The following A2M variants were observed in gnomAD, a reference collection of about 807,000 sequenced individuals.
A2M encodes alpha-2-macroglobulin, also known as C3 and PZP-like alpha-2-macroglobulin domain-containing protein 5.
A neutral mutation model predicts 183.9 loss-of-function variants in A2M; 128 were observed. That is an observed-to-expected ratio of 0.70 (90% CI 0.60 to 0.81). The LOEUF (loss-of-function observed/expected upper bound fraction) is 0.81, where lower values mean the gene tolerates loss of function less well. Among genes scored for constraint, A2M ranks in the 30% least tolerant of loss-of-function variants. A2M has a pLI of 0.00. For missense variants in A2M, 1,495 were observed against 1,787.6 expected (o/e 0.84, Z 2.95); for synonymous variants, 592 against 670.8 (o/e 0.88, Z 1.81).
At chr12:9,107,865 T>C (rs756428387) in intron 7 of A2M, among the ~76,000 whole-genome samples, 105 of 152,304 alleles carry the variant, frequency 6.9e-4, no homozygotes, top group African/African-American at 2.3e-3. Context: ...TCATTTCTTT[T>C]TTTTCCTCGT....
intron 27 of A2M, 103 bp downstream of exon 27, chr12:9,077,243 A>C: frequency 1.8e-6 from 2 of 1,136,392 alleles, no homozygotes; most frequent in Non-Finnish European, 2.5e-6. Context: ...CATAGAAAGA[A>C]AGCTGATGCT....
At chr12:9,085,192 A>G (rs779683912) in intron 22 of A2M, among the ~76,000 whole-genome samples, 1 of 152,212 alleles carries the variant, frequency 6.6e-6, no homozygotes, top group African/African-American at 2.4e-5. Flanking sequence ...TAATGGATAC[A>G]TACAGAACAT....
intron 22 of A2M, chr12:9,080,470 T>C (rs926785227): frequency 1.9e-5 from 4 of 212,408 alleles, no homozygotes; most frequent in African/African-American, 9.2e-5. Flanking sequence ...TGCTGTCATC[T>C]GATGGCTGAC....
In A2M at chr12:9,068,215, G is replaced by T. The variant is rs1280952806; in HGVS notation, c.4376C>A (p.Ala1459Glu). The T allele has an allele frequency of 6.2e-6, 10 of 1,608,194 alleles. No individual in the cohort carries two copies. Among genetic ancestry groups the T allele is most frequent in the Non-Finnish European group, 8.5e-6 (10 of 1,178,998 alleles). The change falls in exon 35 of 36, where the codon GCA becomes GAA. Residue 1459 changes from alanine to glutamate, a missense_variant. By Grantham distance (107) the Ala-to-Glu change is moderately radical. Transcript: ENST00000318602. ...GCAAGGAGCATTGTACTCAGCAATT[G>T]CAAACTCATCTGAAAAAAAAAAAAC... ...VYDYYETDEF[A>E]IAEYNAPCSK...
At chr12:9,094,934 ATATAT>A in intron 17 of A2M, 34 bp downstream of exon 17, 1 of 1,145,746 alleles carries the variant, frequency 8.7e-7, no homozygotes, top group Non-Finnish European at 1.2e-6. Flanking sequence ...AATTTGGTGA[ATATAT>A]TAGGCAATAT....
Position 9,113,508 on chromosome 12 carries a change from G to A in A2M, c.122C>T (p.Thr41Ile), listed in dbSNP as rs1592400236. 1.2e-6 allele frequency: 2 copies of A among 1,613,984 alleles called. No individual in the cohort carries two copies. Among genetic ancestry groups the A allele is most frequent in the Admixed American group, 1.7e-5 (1 of 60,012 alleles). Residue 41 changes from threonine to isoleucine, a missense_variant, in exon 2 of 36, where the codon ACT becomes ATT. Transcript: ENST00000318602. ...GACACAGCCCTTCTCAGTGGTCTCAGTGTGGAGCAGGGAGGGGACCAGAAC... is the reference window on the plus strand; with the variant it reads ...GACACAGCCCTTCTCAGTGGTCTCAATGTGGAGCAGGGAGGGGACCAGAAC... ...YMVLVPSLLH[T>I]ETTEKGCVLL...
chr12:9,109,358 T>C lies in A2M; in HGVS notation c.721A>G (p.Ile241Val). ...GATACATTCATCTCTTCTTCCAAGA[T>C]GGTGATTATCTTTGGCACTGTTACT... The part of the protein sequence containing the change: ...VQVTVPKIIT[I>V]LEEEMNVSVC... The change falls in exon 7 of 36, where the codon ATC becomes GTC. Residue 241 changes from isoleucine (I) to valine (V), a missense_variant. Transcript: ENST00000318602. 6.2e-7 allele frequency: 1 copy of C among 1,613,516 alleles called. No individual in the cohort carries two copies. The highest frequency in any genetic ancestry group is 8.5e-7 in the Non-Finnish European group (1 of 1,179,598).
chr12:9,069,631 T>G (rs1172191051), intron 33 of A2M, 114 bp downstream of exon 33: 1 of 695,910 alleles, frequency 1.4e-6, no homozygotes, highest in African/African-American at 1.8e-5. Context: ...AACATTAGAA[T>G]TCTCAAATTT....
Position 9,115,871 on chromosome 12 carries a change from A to T in A2M, c.-22T>A. 6.3e-7 allele frequency: 1 copy of T among 1,594,116 alleles called. No homozygotes were observed. The highest frequency in any genetic ancestry group is 8.6e-7 in the Non-Finnish European group (1 of 1,162,170). The stretch of plus-strand genomic sequence containing the variant: ...CCATGTTGCAGAAAGAAGGAGCTGG[A>T]GGAGAACAGACTGTATTGTACCCTA... On this transcript the variant is annotated 5_prime_UTR_variant, in exon 1 of 36. Coordinates refer to ENST00000318602, the MANE Select transcript of A2M (RefSeq NM_000014.6).
Position 9,067,782 on chromosome 12 carries a change from A to T in A2M, c.*41T>A. 1.2e-6 allele frequency: 2 copies of T among 1,602,040 alleles called. No homozygotes were observed. Among genetic ancestry groups the T allele is most frequent in the Non-Finnish European group, 1.7e-6 (2 of 1,170,164 alleles). On this transcript the variant is annotated 3_prime_UTR_variant, in exon 36 of 36. Coordinates refer to ENST00000318602, the MANE Select transcript of A2M (RefSeq NM_000014.6). ...AACACGTGTCTTCTGTGGAGCTCTGAGAACAGGACTCCAGCAAAGCACTTT... is the reference window on the plus strand; with the variant it reads ...AACACGTGTCTTCTGTGGAGCTCTGTGAACAGGACTCCAGCAAAGCACTTT...
At chr12:9,106,157 G>T in intron 10 of A2M, 79 bp downstream of exon 10, 2 of 809,630 alleles carry the variant, frequency 2.5e-6, no homozygotes, top group South Asian at 3.7e-5. Context: ...AACCAGGCAT[G>T]GTTTTAGCAC....
chr12:9,110,229 A>C (rs984661064), intron 5 of A2M, 85 bp downstream of exon 5: 33 of 1,223,026 alleles, frequency 2.7e-5, no homozygotes, highest in Non-Finnish European at 3.6e-5. Flanking sequence ...CAAGTTTCTG[A>C]GATATTGTAA....
chr12:9,091,333 A>G lies in A2M; in HGVS notation c.2337T>C (p.Gly779=), dbSNP rs1237718703. The change falls in exon 19 of 36, where the codon GGT becomes GGC. Residue 779 remains glycine (G), a synonymous_variant. Coordinates refer to ENST00000318602, the MANE Select transcript of A2M (RefSeq NM_000014.6). ...CTCGGAGAGAGGCAGTGGAAGAGAT[A>G]CCAAGTCCAGCATCTTCAGACAGGC... The part of the protein sequence containing the change: ...AFCLSEDAGL[G]ISSTASLRAF... The G allele has an allele frequency of 6.2e-7, 1 of 1,614,206 alleles. No individual in the cohort carries two copies. Among genetic ancestry groups the G allele is most frequent in the East Asian group, 2.2e-5 (1 of 44,874 alleles).
intron 31 of A2M, among the ~76,000 whole-genome samples, chr12:9,071,723 C>T (rs375230463): frequency 1.3e-5 from 2 of 152,248 alleles, no homozygotes; most frequent in East Asian, 1.9e-4. Context: ...GCTAGTTTGC[C>T]AAGGATAATG....
chr12:9,103,861 C>T (rs888524595), intron 11 of A2M, among the ~76,000 whole-genome samples: 9 of 152,140 alleles, frequency 5.9e-5, no homozygotes, highest in East Asian at 1.9e-4. Context: ...GTGAATAGTG[C>T]GGCTATGAAC....
intron 22 of A2M, among the ~76,000 whole-genome samples, chr12:9,081,681 G>A (rs2137718195): frequency 6.6e-6 from 1 of 152,338 alleles, no homozygotes; most frequent in East Asian, 1.9e-4. Context: ...CAGATAGAGA[G>A]GAGTTCCCTG....
At chr12:9,085,924 A>C (rs994352036) in intron 22 of A2M, among the ~76,000 whole-genome samples, 7 of 152,230 alleles carry the variant, frequency 4.6e-5, no homozygotes. Flanking sequence ...AGACATATAC[A>C]TACTACCAAG....
intron 33 of A2M, 87 bp from the exon 34 acceptor site, chr12:9,068,929 G>T: frequency 1.1e-6 from 1 of 943,098 alleles, no homozygotes. Context: ...TTTTTTGGGG[G>T]AAAAGCTTTA....
chr12:9,074,824 T>A, intron 28 of A2M, 41 bp from the exon 29 acceptor site: 1 of 1,543,356 alleles, frequency 6.5e-7, no homozygotes, highest in Non-Finnish European at 8.8e-7. Flanking sequence ...GCCTACATAT[T>A]TATATTTAAT....
Sources: gnomAD v4.1 joint callset for allele counts (sites outside exome capture counted in the v4.1 genomes callset) on GRCh38, gnomAD v4.1.1 for gene constraint, MANE v1.5 for transcripts, NCBI Gene and HGNC (gene_info 2026-07-23, HGNC 2026-07-21) for gene names.